SYTL1: variants seen among roughly 807,000 people sequenced by gnomAD.
SYTL1 encodes the protein synaptotagmin-like protein 1.
A neutral mutation model predicts 74.6 loss-of-function variants in SYTL1; 53 were observed. The ratio of observed to expected loss-of-function variants is 0.71; its 90% CI spans 0.57 to 0.89. SYTL1 has a LOEUF of 0.89. Among genes scored for constraint, SYTL1 ranks in the 40% least tolerant of loss-of-function variants. The pLI is 0.00. For synonymous variants in SYTL1, 329 were observed against 324.9 expected (o/e 1.01, Z -0.14); for missense variants, 728 against 768.7 (o/e 0.95, Z 0.63).
chr1:27,351,092 G>T lies in SYTL1; in HGVS notation c.1164+140G>T. Reference sequence around the variant, plus strand: ...TCTTAACCTCATGGCCCCAGGCGAAGCCCGGCCGGCCACGGCCCCTTCCCC... The same window carrying T: ...TCTTAACCTCATGGCCCCAGGCGAATCCCGGCCGGCCACGGCCCCTTCCCC... On this transcript the variant is annotated intron_variant, in intron 11 of 14. Transcript: ENST00000616558. This position sits in a 1 kb window ranked among gnomAD's most constrained non-coding sequence, Gnocchi z 5.0. 1 of 1,334,238 alleles carries T rather than the reference G, an allele frequency of 7.5e-7. No individual in the cohort carries two copies. The highest frequency in any genetic ancestry group is 1.0e-6 in the Non-Finnish European group (1 of 984,070). 82.6% of individuals were successfully genotyped at this position (1,334,238 alleles called of 1,614,324 possible).
chr1:27,342,353 T>C lies in SYTL1; in HGVS notation c.-39+203T>C. 1 of 985,006 alleles carries C rather than the reference T, an allele frequency of 1.0e-6. No homozygotes were observed. The highest frequency in any genetic ancestry group is 1.2e-6 in the Non-Finnish European group (1 of 829,588). The allele number at this position is 985,006 out of a possible 1,614,324, so 61.0% of individuals were successfully genotyped here. A position where few individuals can be genotyped will look rare whatever the true frequency, so the allele number is the denominator to read the frequency against. On this transcript the variant is annotated intron_variant, in intron 1 of 14. Coordinates refer to ENST00000616558, the MANE Select transcript of SYTL1 (RefSeq NM_001193308.2). This position sits in a 1 kb window ranked among gnomAD's most constrained non-coding sequence, Gnocchi z 4.7. ...GTCAAAACAGCAGAGAAGACCAAAC[T>C]CCTACCTAACTCTGGTAGGAGATTC... is the stretch of plus-strand genomic sequence containing the variant.
In SYTL1 at chr1:27,350,282, T is replaced by G. The variant is rs1367778360; in HGVS notation, c.909-107T>G. 1 of 1,483,022 alleles carries G rather than the reference T, an allele frequency of 6.7e-7. No homozygotes were observed. Among genetic ancestry groups the G allele is most frequent in the East Asian group, 2.3e-5 (1 of 44,230 alleles). 91.9% of individuals were successfully genotyped at this position (1,483,022 alleles called of 1,614,324 possible). ...AAGCGAGACAATCCCTGTAAAGCGC[T>G]TAGCACGAGGCCTGGCACGTGTTCG... On this transcript the variant is annotated intron_variant, in intron 9 of 14. Transcript: ENST00000616558. The surrounding 1 kb of genome is among the most constrained non-coding windows in gnomAD (Gnocchi z 6.3).
intron 1 of SYTL1, among the ~76,000 whole-genome samples, chr1:27,344,252 C>T (rs1442154715): frequency 1.3e-5 from 2 of 152,046 alleles, no homozygotes; most frequent in South Asian, 2.1e-4. Flanking sequence ...TAAAGGCATG[C>T]ACCACCATGC....
chr1:27,345,453 A>G lies in SYTL1; in HGVS notation c.119A>G (p.Glu40Gly). Residue 40 changes from glutamate to glycine, a missense_variant, in exon 2 of 15, where the codon GAG becomes GGG. Physicochemically the swap from Glu to Gly is moderately conservative, Grantham distance 98. Coordinates refer to ENST00000616558, the MANE Select transcript of SYTL1 (RefSeq NM_001193308.2). This position sits in a 1 kb window ranked among gnomAD's most constrained non-coding sequence, Gnocchi z 6.0. ...GLLDLSFLTE[E>G]EQEAIAGVLQ... ...TTGGACCTCAGCTTCCTGACAGAGG[A>G]GGAGCAGGAGGCCATTGCTGGCGTC... The G allele has an allele frequency of 6.4e-7, 1 of 1,562,102 alleles. No individual in the cohort carries two copies. The highest frequency in any genetic ancestry group is 8.7e-7 in the Non-Finnish European group (1 of 1,152,296).
intron 6 of SYTL1, 74 bp from the exon 7 acceptor site, chr1:27,349,324 G>A: frequency 6.9e-7 from 1 of 1,451,110 alleles, no homozygotes; most frequent in East Asian, 2.5e-5. Flanking sequence ...CGCTGGGGTT[G>A]TAAACCAGTT....
Position 27,345,607 on chromosome 1 carries a change from G to A in SYTL1, c.191+82G>A. 1.0e-6 allele frequency: 1 copy of A among 963,012 alleles called. No individual in the cohort carries two copies. The highest frequency in any genetic ancestry group is 2.8e-5 in the Admixed American group (1 of 35,170). The allele number at this position is 963,012 out of a possible 1,614,324, so 59.7% of individuals were successfully genotyped here. A position where few individuals can be genotyped will look rare whatever the true frequency, so the allele number is the denominator to read the frequency against. ...CTGCTCCCTACCGACACCACTGCCT[G>A]TCAGATGTCTGCGTGGTTCTTGGTT... is the stretch of plus-strand genomic sequence containing the variant. On this transcript the variant is annotated intron_variant, in intron 2 of 14. Transcript: ENST00000616558. This position sits in a 1 kb window ranked among gnomAD's most constrained non-coding sequence, Gnocchi z 6.0.
chr1:27,351,024 C>T lies in SYTL1; in HGVS notation c.1164+72C>T. The T allele has an allele frequency of 6.4e-7, 1 of 1,554,040 alleles. No individual in the cohort carries two copies. Among genetic ancestry groups the T allele is most frequent in the South Asian group, 1.1e-5 (1 of 88,258 alleles). ...GCATTTACCCCACCAGGCTCTCCCGCAGCCCCCTCACACCCCGCCTTCGAC... is the reference window on the plus strand; with the variant it reads ...GCATTTACCCCACCAGGCTCTCCCGTAGCCCCCTCACACCCCGCCTTCGAC... On this transcript the variant is annotated intron_variant, in intron 11 of 14. Coordinates refer to ENST00000616558, the MANE Select transcript of SYTL1 (RefSeq NM_001193308.2). The surrounding 1 kb of genome is among the most constrained non-coding windows in gnomAD (Gnocchi z 5.0).
Position 27,345,461 on chromosome 1 carries a change from G to C in SYTL1, c.127G>C (p.Glu43Gln), listed in dbSNP as rs2014958275. Residue 43 changes from glutamate (E) to glutamine (Q), a missense_variant, in exon 2 of 15, where the codon GAG (glutamate) becomes CAG (glutamine). Physicochemically the swap from Glu to Gln is conservative, Grantham distance 29. Transcript: ENST00000616558. The surrounding 1 kb of genome is among the most constrained non-coding windows in gnomAD (Gnocchi z 6.0). ...DLSFLTEEEQEAIAGVLQRDA... is the reference protein window; with the variant it reads ...DLSFLTEEEQQAIAGVLQRDA... ...CAGCTTCCTGACAGAGGAGGAGCAG[G>C]AGGCCATTGCTGGCGTCCTCCAACG... 2 of 1,561,812 alleles carry C rather than the reference G, an allele frequency of 1.3e-6. No individual in the cohort carries two copies. The highest frequency in any genetic ancestry group is 1.7e-6 in the Non-Finnish European group (2 of 1,152,238).
rs1203489061 is a variant in SYTL1, at chr1:27,349,997, C to T, written c.773C>T (p.Ser258Leu). ...STLSGSQMSL[S>L]GDAEAVQVRG... ...CTGAGCGGCAGCCAGATGAGCCTGT[C>T]AGGCGACGCGGAGGCGGTGCAGGTC... is the stretch of plus-strand genomic sequence containing the variant. The change falls in exon 9 of 15, where the codon TCA becomes TTA. Residue 258 changes from serine to leucine, a missense_variant. By Grantham distance (145) the Ser-to-Leu change is moderately radical (BLOSUM62 -2). Transcript: ENST00000616558. The T allele has an allele frequency of 3.2e-6, 5 of 1,568,796 alleles. No homozygotes were observed. The South Asian group carries it at 5.8e-5, about 18-fold the overall frequency.
In SYTL1 at chr1:27,349,955, C is replaced by T. The variant is rs1191029180; in HGVS notation, c.748-17C>T. 1 of 1,570,726 alleles carries T rather than the reference C, an allele frequency of 6.4e-7. No homozygotes were observed. The highest frequency in any genetic ancestry group is 1.1e-5 in the South Asian group (1 of 86,966). ...GCCCTGCGAGCGGCCCTGACTCCCA[C>T]CCACTCCCGTCCGCAGCTGAGCGGC... On this transcript the variant is annotated splice_polypyrimidine_tract_variant and intron_variant, in intron 8 of 14. Coordinates refer to ENST00000616558, the MANE Select transcript of SYTL1 (RefSeq NM_001193308.2).
chr1:27,353,152 G>A (rs1019532256), intron 13 of SYTL1, 131 bp from the exon 14 acceptor site: 7 of 892,750 alleles, frequency 7.8e-6, no homozygotes, highest in Non-Finnish European at 1.0e-5. Context: ...AGGGCAGTGA[G>A]GGTCTAAGGC....
rs755709920 is a variant in SYTL1 at position 27,353,829 on chromosome 1, A to G, written c.1666A>G (p.Thr556Ala). ...GGTGGATGGCCTTCTACCCCTCAGA[A>G]CCAACCTGGCCCCCAGGACGTAGCC... Reference protein sequence around the residue: ...EWVDGLLPLRTNLAPRT With the variant: ...EWVDGLLPLRANLAPRT Residue 556 changes from threonine to alanine, a missense_variant, in exon 15 of 15, where the codon ACC becomes GCC. Transcript: ENST00000616558. 1 of 1,613,904 alleles carries G rather than the reference A, an allele frequency of 6.2e-7. No individual in the cohort carries two copies. The highest frequency in any genetic ancestry group is 1.1e-5 in the South Asian group (1 of 91,082).
In SYTL1 at chr1:27,349,111, T is replaced by A; in HGVS notation, c.491T>A (p.Leu164Gln). The change falls in exon 6 of 15, where the codon CTA becomes CAA. Residue 164 changes from leucine to glutamine, a missense_variant. Transcript: ENST00000616558. ...GATTTCCCATCGCCTTCTGTCCCCCTAAAGGCTTCAGATCCTGAGGAGGCG... is the reference window on the plus strand; with the variant it reads ...GATTTCCCATCGCCTTCTGTCCCCCAAAAGGCTTCAGATCCTGAGGAGGCG... ...GPDFPSPSVP[L>Q]KASDPEEASQ... 6.2e-7 allele frequency: 1 copy of A among 1,614,018 alleles called. No homozygotes were observed. The highest frequency in any genetic ancestry group is 8.5e-7 in the Non-Finnish European group (1 of 1,179,894).
rs2015254311 is a variant in SYTL1 at position 27,351,174 on chromosome 1, G to T, written c.1165-84G>T. 2 of 1,476,480 alleles carry T rather than the reference G, an allele frequency of 1.4e-6. No individual in the cohort carries two copies. Among genetic ancestry groups the T allele is most frequent in the East Asian group, 2.5e-5 (1 of 40,514 alleles). 91.5% of individuals were successfully genotyped at this position (1,476,480 alleles called of 1,614,324 possible). A position where few individuals can be genotyped will look rare whatever the true frequency, so the allele number is the denominator to read the frequency against. On this transcript the variant is annotated intron_variant, in intron 11 of 14. Transcript: ENST00000616558. The surrounding 1 kb of genome is among the most constrained non-coding windows in gnomAD (Gnocchi z 5.0). ...GCAGGCCCCGCCGTCTCTTCTAGCC[G>T]CACCCCATCCGGGTCTGCAGACCCC...
At chr1:27,353,649 G>A (rs2015380392) in intron 14 of SYTL1, 64 bp from the exon 15 acceptor site, 3 of 1,582,424 alleles carry the variant, frequency 1.9e-6, no homozygotes, top group Admixed American at 1.7e-5. Context: ...GACCAGGCAG[G>A]TGTTTGGGGG....
Position 27,347,692 on chromosome 1 carries a change from AGTGGGCAATGCCCCTCC to A in SYTL1, c.341-108_341-92del, listed in dbSNP as rs1271528019. 1.0e-6 allele frequency: 1 copy of A among 998,864 alleles called. No individual in the cohort carries two copies. The highest frequency in any genetic ancestry group is 1.4e-6 in the Non-Finnish European group (1 of 712,938). The allele number at this position is 998,864 out of a possible 1,614,324, so 61.9% of individuals were successfully genotyped here. A position where few individuals can be genotyped will look rare whatever the true frequency, so the allele number is the denominator to read the frequency against. On this transcript the variant is annotated intron_variant, in intron 3 of 14. Coordinates refer to ENST00000616558, the MANE Select transcript of SYTL1 (RefSeq NM_001193308.2). The surrounding 1 kb of genome is among the most constrained non-coding windows in gnomAD (Gnocchi z 4.9). ...CTGCCCCCAGTACTGTGTGTCTTTC[AGTGGGCAATGCCCCTCC>A]GTGGGCATGGGGTGGGTGGGTATCT...
rs920701186 is a variant in SYTL1 at position 27,351,610 on chromosome 1, C to G, written c.1343+55C>G. 9 of 1,142,570 alleles carry G rather than the reference C, an allele frequency of 7.9e-6. No homozygotes were observed. The African/African-American group carries it at 1.1e-4, about 14-fold the overall frequency. The allele number at this position is 1,142,570 out of a possible 1,614,324, so 70.8% of individuals were successfully genotyped here. A position where few individuals can be genotyped will look rare whatever the true frequency, so the allele number is the denominator to read the frequency against. On this transcript the variant is annotated intron_variant, in intron 13 of 14. Coordinates refer to ENST00000616558, the MANE Select transcript of SYTL1 (RefSeq NM_001193308.2). The surrounding 1 kb of genome is among the most constrained non-coding windows in gnomAD (Gnocchi z 5.0). ...ATTCTTTTGCCTGCAGTGGAGTGCC[C>G]AACCTCCACAAACCCTTACTAATCA...
rs12567637 is a variant in SYTL1 at position 27,345,207 on chromosome 1, G to C, written c.-38-90G>C. ...CTGGGGTGGCACCCTACCCATACCC[G>C]GCCAAGTGTTTGGGGAGAAAAGGGC... is the stretch of plus-strand genomic sequence containing the variant. On this transcript the variant is annotated intron_variant, in intron 1 of 14. Coordinates refer to ENST00000616558, the MANE Select transcript of SYTL1 (RefSeq NM_001193308.2). The surrounding 1 kb of genome is among the most constrained non-coding windows in gnomAD (Gnocchi z 6.0). The C allele has an allele frequency of 3.7e-5, 26 of 706,754 alleles. No homozygotes were observed. The highest frequency in any genetic ancestry group is 3.1e-5 in the East Asian group (1 of 31,878). The allele number at this position is 706,754 out of a possible 1,614,324, so 43.8% of individuals were successfully genotyped here.
At position 27,342,234 on chromosome 1, in the gene SYTL1, C is replaced by T; in HGVS notation, c.-39+84C>T. 1.5e-6 allele frequency: 1 copy of T among 656,870 alleles called. No homozygotes were observed. Among genetic ancestry groups the T allele is most frequent in the Non-Finnish European group, 1.9e-6 (1 of 530,024 alleles). 40.7% of individuals were successfully genotyped at this position (656,870 alleles called of 1,614,324 possible). A position where few individuals can be genotyped will look rare whatever the true frequency, so the allele number is the denominator to read the frequency against. On this transcript the variant is annotated intron_variant, in intron 1 of 14. Transcript: ENST00000616558. The surrounding 1 kb of genome is among the most constrained non-coding windows in gnomAD (Gnocchi z 4.7). ...CTGGTATCCTGAGCACCCTCCAGCA[C>T]CTTGGGGTTGGGGGAGGTGGGCACA... is the stretch of plus-strand genomic sequence containing the variant.
Sources: allele counts gnomAD v4.1 joint callset (sites outside exome capture counted in the v4.1 genomes callset), GRCh38; gene constraint gnomAD v4.1.1; non-coding constraint Gnocchi (gnomAD v3.1); transcripts MANE v1.5; gene names NCBI Gene and HGNC (gene_info 2026-07-23, HGNC 2026-07-21).